Variants in KATNAL1 observed in about 807,000 individuals in gnomAD.
KATNAL1 encodes katanin catalytic subunit A1 like 1.
KATNAL1 carries 32 observed loss-of-function variants against 55.2 expected under a neutral mutation model. The observed-to-expected ratio is 0.58, with a 90% CI of 0.44 to 0.78. The LOEUF (loss-of-function observed/expected upper bound fraction) is 0.78, where lower values mean the gene tolerates loss of function less well. Ranked by LOEUF, KATNAL1 falls within the 30% of genes least tolerant of loss-of-function variation. The probability of loss-of-function intolerance (pLI) is 0.00; values close to 1 mark genes in which losing one functional copy is unlikely to be tolerated. For synonymous variants in KATNAL1, 193 were observed against 193.6 expected (o/e 1.00, Z 0.02); for missense variants, 466 against 600.9 (o/e 0.78, Z 2.35).
chr13:30,275,558 T>C (rs1342902918), intron 3 of KATNAL1, among the ~76,000 whole-genome samples: 6 of 152,076 alleles, frequency 3.9e-5, no homozygotes, highest in Non-Finnish European at 1.5e-5. Context: ...TACCAGGGGC[T>C]AGGGGAGAAG....
At chr13:30,270,072 TG>T (rs1187313133) in intron 3 of KATNAL1, among the ~76,000 whole-genome samples, 16 of 62,286 alleles carry the variant, frequency 2.6e-4, no homozygotes, top group African/African-American at 8.3e-4. Flanking sequence ...GGGAGGGAGG[TG>T]GGGGGGGTCA....
Position 30,203,193 on chromosome 13 carries a change from G to A in KATNAL1, c.*5347C>T, listed in dbSNP as rs1011179251. 1.3e-5 allele frequency: 2 copies of A among 152,104 alleles called. No individual in the cohort carries two copies. Among genetic ancestry groups the A allele is most frequent in the African/African-American group, 4.8e-5 (2 of 41,398 alleles). 9.4% of individuals were successfully genotyped at this position (152,104 alleles called of 1,614,324 possible). On this transcript the variant is annotated 3_prime_UTR_variant, in exon 11 of 11. Coordinates refer to ENST00000380615, the MANE Select transcript of KATNAL1 (RefSeq NM_032116.5). ...AAAAGTAATTCAGACATTTCACAGA[G>A]GCCTTATTTGGAATACAAACACTTT... is the stretch of plus-strand genomic sequence containing the variant.
chr13:30,239,338 A>G (rs1283693658), intron 6 of KATNAL1, among the ~76,000 whole-genome samples: 1 of 152,146 alleles, frequency 6.6e-6, no homozygotes, highest in Non-Finnish European at 1.5e-5. Flanking sequence ...TGAACCCAGG[A>G]GGCAGAGGTT....
chr13:30,227,308 T>A (rs1875594915), intron 9 of KATNAL1, 104 bp downstream of exon 9: 5 of 1,049,358 alleles, frequency 4.8e-6, no homozygotes, highest in Non-Finnish European at 6.8e-6. Context: ...AATTTTGTGA[T>A]GCTATAAACT....
chr13:30,278,080 A>C (rs930112079), intron 3 of KATNAL1, among the ~76,000 whole-genome samples: 13 of 151,998 alleles, frequency 8.6e-5, no homozygotes, highest in African/African-American at 2.9e-4. Flanking sequence ...GCTTACATAG[A>C]AACTTTATTC....
At position 30,262,444 on chromosome 13, in the gene KATNAL1, AG is replaced by A. The variant is rs1374785447; in HGVS notation, c.324-6830del. The stretch of plus-strand genomic sequence containing the variant: ...TGAATCCAGGAACTGGTTTTTTGAA[AG>A]GATCAAAAAAATGGATAGACCGCTA... On this transcript the variant is annotated intron_variant, in intron 3 of 10. Coordinates refer to ENST00000380615, the MANE Select transcript of KATNAL1 (RefSeq NM_032116.5). 2.6e-5 allele frequency among the ~76,000 whole-genome samples: 4 copies of A among 152,208 alleles called. 1 individual carries two copies. Among genetic ancestry groups the A allele is most frequent in the Admixed American group, 2.0e-4 (3 of 15,278 alleles).
chr13:30,229,153 C>G (rs1185324194), intron 8 of KATNAL1, among the ~76,000 whole-genome samples: 5 of 152,088 alleles, frequency 3.3e-5, no homozygotes, highest in African/African-American at 1.2e-4. Flanking sequence ...AACAGCAGCT[C>G]TGAGCCCATA....
rs1433895999 is a variant in KATNAL1, at chr13:30,253,909, T to G, written c.492+1538A>C. Among the ~76,000 whole-genome samples the G allele has an allele frequency of 2.0e-5, 3 of 152,200 alleles. No individual in the cohort carries two copies. In the East Asian group the frequency reaches 5.8e-4, roughly 29 times the overall value. On this transcript the variant is annotated intron_variant, in intron 4 of 10. Coordinates refer to ENST00000380615, the MANE Select transcript of KATNAL1 (RefSeq NM_032116.5). ...CATTCTTCCAGTATCCATGTCTCAC[T>G]GTGAGACGCTGGCAAGTTTTAGCGC...
At chr13:30,241,209 T>C in intron 4 of KATNAL1, 123 bp from the exon 5 acceptor site, 1 of 877,878 alleles carries the variant, frequency 1.1e-6, no homozygotes, top group Non-Finnish European at 1.7e-6. Context: ...TAAGGTAGTA[T>C]TTTCTGATTA....
chr13:30,242,323 C>T (rs1877359695), intron 4 of KATNAL1, among the ~76,000 whole-genome samples: 1 of 152,108 alleles, frequency 6.6e-6, no homozygotes, highest in Non-Finnish European at 1.5e-5. Flanking sequence ...ATAAACACTA[C>T]CTCAGGAGAA....
chr13:30,250,815 A>G (rs1376070827), intron 4 of KATNAL1, among the ~76,000 whole-genome samples: 1 of 152,234 alleles, frequency 6.6e-6, no homozygotes, highest in East Asian at 1.9e-4. Context: ...TGCTCATTTC[A>G]CTGAGTTAAT....
chr13:30,257,171 T>A, intron 3 of KATNAL1, among the ~76,000 whole-genome samples: 1 of 151,802 alleles, frequency 6.6e-6, no homozygotes, highest in African/African-American at 2.4e-5. Flanking sequence ...ACCACTGTTT[T>A]TTGACCTAAT....
intron 4 of KATNAL1, 29 bp downstream of exon 4, chr13:30,255,418 G>T: frequency 6.9e-7 from 1 of 1,441,954 alleles, no homozygotes. Flanking sequence ...GGCTTCAAGT[G>T]AGTGAATTAC....
At chr13:30,210,509 A>G (rs1042743704) in intron 9 of KATNAL1, 67 bp from the exon 10 acceptor site, 1 of 1,465,102 alleles carries the variant, frequency 6.8e-7, no homozygotes, top group African/African-American at 1.4e-5. Flanking sequence ...GAGAAATGAC[A>G]TATTAACATT....
chr13:30,279,989 T>G lies in KATNAL1; in HGVS notation c.323+74A>C. 4 of 1,331,728 alleles carry G rather than the reference T, an allele frequency of 3.0e-6. No homozygotes were observed. In the South Asian group the frequency reaches 5.7e-5, roughly 19 times the overall value. The allele number at this position is 1,331,728 out of a possible 1,614,324, so 82.5% of individuals were successfully genotyped here. On this transcript the variant is annotated intron_variant, in intron 3 of 10. Transcript: ENST00000380615. ...TGTCCCCAAAAATAATTTTTCATAC[T>G]TTGTTCAAAACATGCTTCACTGTGA...
chr13:30,279,054 A>G (rs1257388579), intron 3 of KATNAL1, among the ~76,000 whole-genome samples: 16 of 152,238 alleles, frequency 1.1e-4, no homozygotes, highest in Admixed American at 9.8e-4. Context: ...AAATTTCAAC[A>G]GATGATTACA....
intron 3 of KATNAL1, among the ~76,000 whole-genome samples, chr13:30,270,118 T>G (rs1593920408): frequency 1.9e-5 from 2 of 104,808 alleles, no homozygotes; most frequent in African/African-American, 3.5e-5. Flanking sequence ...GTCCGGGAGG[T>G]GAGGGGCGCC....
At chr13:30,219,829 C>T (rs1874666164) in intron 9 of KATNAL1, among the ~76,000 whole-genome samples, 1 of 152,124 alleles carries the variant, frequency 6.6e-6, no homozygotes, top group South Asian at 2.1e-4. Flanking sequence ...AGAAGGAAGC[C>T]TCTTAGCCGT....
intron 3 of KATNAL1, among the ~76,000 whole-genome samples, chr13:30,258,741 T>A (rs901210024): frequency 2.6e-5 from 4 of 151,900 alleles, no homozygotes; most frequent in Non-Finnish European, 4.4e-5. Flanking sequence ...CGACGTGAGG[T>A]GGGGAAGAAG....
Sources: allele counts gnomAD v4.1 joint callset (sites outside exome capture counted in the v4.1 genomes callset), GRCh38; gene constraint gnomAD v4.1.1; transcripts MANE v1.5; gene names NCBI Gene and HGNC (gene_info 2026-07-23, HGNC 2026-07-21).